Variants in UGT1A10 observed in about 807,000 individuals in gnomAD.
UGT1A10 encodes the protein UDP glucuronosyltransferase family 1 member A10.
A neutral mutation model predicts 45.8 loss-of-function variants in UGT1A10; 49 were observed. That is an observed-to-expected ratio of 1.07 (90% confidence interval 0.85 to 1.36). UGT1A10 has a LOEUF of 1.36. Ranked by LOEUF, UGT1A10 falls within the 40% of genes most tolerant of loss-of-function variation. The probability of loss-of-function intolerance (pLI) is 0.00; values close to 1 mark genes in which losing one functional copy is unlikely to be tolerated. For missense variants in UGT1A10, 745 were observed against 668.6 expected, an observed-to-expected ratio of 1.11 and a Z score of -1.26; for synonymous variants, 284 against 249.7, an observed-to-expected ratio of 1.14 and a Z score of -1.29.
intron 1 of UGT1A10, among the ~76,000 whole-genome samples, chr2:233,709,542 T>C (rs1011776342): frequency 6.6e-6 from 1 of 152,178 alleles, no homozygotes; most frequent in Admixed American, 6.5e-5. Context: ...CTGTGATATA[T>C]GTAAGTACTT....
intron 1 of UGT1A10, among the ~76,000 whole-genome samples, chr2:233,674,268 G>GT (rs2125505422): frequency 6.6e-6 from 1 of 152,316 alleles, no homozygotes; most frequent in South Asian, 2.1e-4. Flanking sequence ...GAGGACTACA[G>GT]TTGTAGGCCT....
At chr2:233,715,168 G>A (rs926967380) in intron 1 of UGT1A10, among the ~76,000 whole-genome samples, 5 of 152,054 alleles carry the variant, frequency 3.3e-5, no homozygotes, top group Non-Finnish European at 7.4e-5. Flanking sequence ...TTACAGGCGC[G>A]AGCCACCACA....
At chr2:233,642,804 A>G (rs779571967) in intron 1 of UGT1A10, among the ~76,000 whole-genome samples, 1 of 152,226 alleles carries the variant, frequency 6.6e-6, no homozygotes, top group Non-Finnish European at 1.5e-5. Flanking sequence ...ACAAGATCCA[A>G]GATACTTCTC....
At chr2:233,744,484 GC>G (rs2125863541) in intron 1 of UGT1A10, among the ~76,000 whole-genome samples, 1 of 151,978 alleles carries the variant, frequency 6.6e-6, no homozygotes, top group Non-Finnish European at 1.5e-5. Context: ...TATTAATTGG[GC>G]AATTTAGTAA....
At chr2:233,740,411 T>A (rs1191187066) in intron 1 of UGT1A10, among the ~76,000 whole-genome samples, 1 of 151,958 alleles carries the variant, frequency 6.6e-6, no homozygotes. Context: ...TGGGGAAGTC[T>A]CTCTACCTGT....
At chr2:233,700,807 G>A (rs934184744) in intron 1 of UGT1A10, among the ~76,000 whole-genome samples, 1 of 151,690 alleles carries the variant, frequency 6.6e-6, no homozygotes, top group African/African-American at 2.4e-5. Context: ...GTGCCATGTT[G>A]GTGTGCTGCA....
In UGT1A10 at chr2:233,693,946, CTG is replaced by C. The variant is rs2075190612; in HGVS notation, c.855+56571_855+56572del. The C allele has an allele frequency of 2.5e-6, 4 of 1,598,736 alleles. No individual in the cohort carries two copies. The Admixed American group carries it at 6.8e-5, about 27-fold the overall frequency. The stretch of plus-strand genomic sequence containing the variant: ...TCACTCATTTGGCTCCTTGAGCCGA[CTG>C]TCCCTTGGAGGATTTCCTGGAGAAA... On this transcript the variant is annotated intron_variant, in intron 1 of 4. Coordinates refer to ENST00000344644, the MANE Select transcript of UGT1A10 (RefSeq NM_019075.4).
At chr2:233,728,451 C>T (rs754577531) in intron 1 of UGT1A10, among the ~76,000 whole-genome samples, 1 of 152,174 alleles carries the variant, frequency 6.6e-6, no homozygotes, top group Non-Finnish European at 1.5e-5. Context: ...GGAGAATCCT[C>T]AACAAAGTCT....
chr2:233,730,715 T>G (rs1367168095), intron 1 of UGT1A10, among the ~76,000 whole-genome samples: 4 of 152,064 alleles, frequency 2.6e-5, no homozygotes, highest in Non-Finnish European at 4.4e-5. Flanking sequence ...AATGCTGAAA[T>G]TATCAAGAAA....
chr2:233,718,096 T>G (rs2076629301), intron 1 of UGT1A10: 1 of 328,356 alleles, frequency 3.0e-6, no homozygotes, highest in Admixed American at 3.8e-5. Context: ...CATGTGTGCT[T>G]TAGACAGCAG....
chr2:233,693,154 T>A (rs774068638), intron 1 of UGT1A10: 1 of 1,614,252 alleles, frequency 6.2e-7, no homozygotes, highest in Non-Finnish European at 8.5e-7. Context: ...AGGTTCTCAG[T>A]GACCGGGGTC....
intron 1 of UGT1A10, chr2:233,754,923 C>G (rs1466218732): frequency 7.4e-7 from 1 of 1,349,888 alleles, no homozygotes; most frequent in Non-Finnish European, 9.9e-7. Flanking sequence ...CAGCGGGTTT[C>G]CCAAGAGGTC....
At chr2:233,726,183 T>C (rs1209436998) in intron 1 of UGT1A10, among the ~76,000 whole-genome samples, 1 of 152,174 alleles carries the variant, frequency 6.6e-6, no homozygotes, top group Admixed American at 6.5e-5. Flanking sequence ...TAAAAATTTC[T>C]TTGGCATATG....
intron 1 of UGT1A10, chr2:233,682,219 C>T (rs150285310): frequency 2.9e-5 from 47 of 1,614,142 alleles, no homozygotes; most frequent in African/African-American, 2.4e-4. Context: ...TGGTTTTTGC[C>T]GATGCTCGCT....
At chr2:233,654,609 C>T (rs1033145866) in intron 1 of UGT1A10, among the ~76,000 whole-genome samples, 1 of 152,156 alleles carries the variant, frequency 6.6e-6, no homozygotes, top group East Asian at 1.9e-4. Flanking sequence ...TAAACCACAG[C>T]CCTATAAAAT....
chr2:233,719,027 C>CA (rs779192742), intron 1 of UGT1A10: 8 of 1,614,110 alleles, frequency 5.0e-6, no homozygotes, highest in African/African-American at 1.3e-5. Flanking sequence ...ATATGCACAT[C>CA]AAAGAAGAGA....
At chr2:233,709,589 A>G (rs2076083811) in intron 1 of UGT1A10, among the ~76,000 whole-genome samples, 1 of 152,200 alleles carries the variant, frequency 6.6e-6, no homozygotes, top group Non-Finnish European at 1.5e-5. Flanking sequence ...ATATACCAGG[A>G]TGTGAAAGAA....
rs531394482 is a variant in UGT1A10, at chr2:233,653,154, G to A, written c.855+15777G>A. On this transcript the variant is annotated intron_variant, in intron 1 of 4. Coordinates refer to ENST00000344644, the MANE Select transcript of UGT1A10 (RefSeq NM_019075.4). The stretch of plus-strand genomic sequence containing the variant: ...AATGTTAAGAGCCTGAGAGATCAAC[G>A]TCCTACAAATGTAATTCCAGAAAAA... Among the ~76,000 whole-genome samples, 406 of 152,266 alleles carry A rather than the reference G, an allele frequency of 2.7e-3. 6 individuals are homozygous for A. Among genetic ancestry groups the A allele is most frequent in the African/African-American group, 9.1e-3 (377 of 41,538 alleles).
chr2:233,724,310 G>C (rs1212736933), intron 1 of UGT1A10, among the ~76,000 whole-genome samples: 1 of 141,058 alleles, frequency 7.1e-6, no homozygotes, highest in African/African-American at 2.6e-5. Context: ...CCTCCCTCCC[G>C]GACGGGGCGG....
Sources: allele counts gnomAD v4.1 joint callset (sites outside exome capture counted in the v4.1 genomes callset), GRCh38; gene constraint gnomAD v4.1.1; transcripts MANE v1.5; gene names NCBI Gene and HGNC (gene_info 2026-07-23, HGNC 2026-07-21).